The following CMSS1 variants were observed in gnomAD, a reference collection of about 807,000 sequenced individuals.
CMSS1 encodes cms1 ribosomal small subunit homolog.
Under a neutral mutation model 43.5 loss-of-function variants are expected in CMSS1, and 33 were observed. The observed-to-expected ratio is 0.76, with a 90% CI of 0.57 to 1.01. CMSS1 has a LOEUF of 1.01. Among genes scored for constraint, CMSS1 ranks in the 50% least tolerant of loss-of-function variants. CMSS1 has a pLI of 0.00. For synonymous variants in CMSS1, 115 were observed against 117.2 expected (o/e 0.98, Z 0.12); for missense variants, 313 against 326.4 (o/e 0.96, Z 0.32).
At chr3:100,059,584 A>G (rs1379387991) in intron 1 of CMSS1, among the ~76,000 whole-genome samples, 1 of 152,132 alleles carries the variant, frequency 6.6e-6, no homozygotes, top group African/African-American at 2.4e-5. Context: ...TGAAGATTCA[A>G]ACAGCGTTAG....
At chr3:99,976,666 A>T (rs1053182261) in intron 1 of CMSS1, among the ~76,000 whole-genome samples, 1 of 151,672 alleles carries the variant, frequency 6.6e-6, no homozygotes, top group Non-Finnish European at 1.5e-5. Context: ...TACCTTCAAG[A>T]TTTATTCTTT....
chr3:100,084,037 T>C (rs1018198644), intron 1 of CMSS1, among the ~76,000 whole-genome samples: 1 of 152,166 alleles, frequency 6.6e-6, no homozygotes, highest in Non-Finnish European at 1.5e-5. Context: ...TTTCATAAAA[T>C]AATAATAATG....
intron 1 of CMSS1, among the ~76,000 whole-genome samples, chr3:99,982,362 C>T: frequency 6.6e-6 from 1 of 150,894 alleles, no homozygotes; most frequent in African/African-American, 2.4e-5. Context: ...TTTTTTGAGA[C>T]AGGGTCTCAC....
intron 1 of CMSS1, among the ~76,000 whole-genome samples, chr3:99,828,932 G>A (rs1241605342): frequency 6.6e-6 from 1 of 151,764 alleles, no homozygotes; most frequent in Non-Finnish European, 1.5e-5. Flanking sequence ...CCCTCTCAAT[G>A]CTGCCCATCA....
At chr3:100,160,204 A>G (rs1168538866) in intron 2 of CMSS1, among the ~76,000 whole-genome samples, 1 of 152,212 alleles carries the variant, frequency 6.6e-6, no homozygotes, top group Admixed American at 6.5e-5. Context: ...TTGCTCAAAG[A>G]TTCTCCAGTC....
intron 1 of CMSS1, among the ~76,000 whole-genome samples, chr3:99,901,566 A>G (rs1221713551): frequency 6.6e-6 from 1 of 152,174 alleles, no homozygotes; most frequent in African/African-American, 2.4e-5. Context: ...ACTGTACATC[A>G]AGGCCTATGA....
At chr3:99,883,473 C>T (rs74413799) in intron 1 of CMSS1, among the ~76,000 whole-genome samples, 2,168 of 152,282 alleles carry the variant, frequency 0.014, 29 homozygotes, top group Non-Finnish European at 0.023. Flanking sequence ...ATTATTTCAG[C>T]ATTATCAGAG....
At chr3:99,969,477 G>A (rs1293150895) in intron 1 of CMSS1, among the ~76,000 whole-genome samples, 1 of 152,196 alleles carries the variant, frequency 6.6e-6, no homozygotes, top group Admixed American at 6.5e-5. Context: ...GAGCTCAACA[G>A]ATTGGTCACA....
chr3:100,137,409 C>T (rs1043282715), intron 1 of CMSS1, among the ~76,000 whole-genome samples: 10 of 152,148 alleles, frequency 6.6e-5, no homozygotes, highest in African/African-American at 2.4e-4. Context: ...CAATTCTAAA[C>T]TTGCATGCAC....
intron 1 of CMSS1, among the ~76,000 whole-genome samples, chr3:100,001,050 C>T (rs1023548219): frequency 4.6e-5 from 7 of 152,132 alleles, no homozygotes; most frequent in Non-Finnish European, 8.8e-5. Flanking sequence ...TTCACACACA[C>T]ACACACTCTT....
At chr3:100,005,598 A>G (rs530442792) in intron 1 of CMSS1, among the ~76,000 whole-genome samples, 174 of 152,364 alleles carry the variant, frequency 1.1e-3, no homozygotes, top group South Asian at 1.2e-3. Flanking sequence ...ATTGAATTCC[A>G]ATGATTCTAA....
chr3:99,865,330 T>G (rs1396724191), intron 1 of CMSS1, among the ~76,000 whole-genome samples: 1 of 152,148 alleles, frequency 6.6e-6, no homozygotes, highest in African/African-American at 2.4e-5. Flanking sequence ...CTCACCCCAT[T>G]ACATACATCC....
intron 1 of CMSS1, among the ~76,000 whole-genome samples, chr3:99,925,073 G>C (rs551221488): frequency 5.5e-4 from 84 of 152,260 alleles, no homozygotes; most frequent in Non-Finnish European, 1.1e-3. Flanking sequence ...ATTCGCAGCT[G>C]CCCTAGCTGA....
intron 1 of CMSS1, among the ~76,000 whole-genome samples, chr3:99,819,875 C>T (rs999868265): frequency 2.2e-4 from 33 of 151,948 alleles, no homozygotes; most frequent in Non-Finnish European, 1.2e-4. Flanking sequence ...CTGCCTCAGC[C>T]TCCCAAGTAA....
chr3:100,145,689 A>C (rs190021996), intron 1 of CMSS1, among the ~76,000 whole-genome samples: 1 of 152,334 alleles, frequency 6.6e-6, no homozygotes, highest in Admixed American at 6.5e-5. Flanking sequence ...TAGTCTAAAC[A>C]TGATAGGCTT....
chr3:100,173,792 A>G (rs551447154), intron 8 of CMSS1, among the ~76,000 whole-genome samples: 5 of 152,274 alleles, frequency 3.3e-5, no homozygotes, highest in East Asian at 3.9e-4. Context: ...AGGTAAAACA[A>G]TGTTGCAGTT....
intron 1 of CMSS1, among the ~76,000 whole-genome samples, chr3:99,951,728 C>T (rs1277124014): frequency 6.6e-6 from 1 of 152,090 alleles, no homozygotes; most frequent in African/African-American, 2.4e-5. Context: ...CAATAGGTAC[C>T]CTTAGATCAT....
chr3:100,122,970 C>T (rs1378344637), intron 1 of CMSS1, among the ~76,000 whole-genome samples: 1 of 152,156 alleles, frequency 6.6e-6, no homozygotes, highest in Non-Finnish European at 1.5e-5. Context: ...TTATTTATTA[C>T]ATGTCCACTA....
intron 1 of CMSS1, among the ~76,000 whole-genome samples, chr3:99,876,599 A>G (rs1409136972): frequency 2.0e-5 from 3 of 152,158 alleles, no homozygotes; most frequent in African/African-American, 7.2e-5. Context: ...GGAGAGGGAA[A>G]GGAGAAGTCT....
Sources: allele counts gnomAD v4.1 joint callset (sites outside exome capture counted in the v4.1 genomes callset), GRCh38; gene constraint gnomAD v4.1.1; transcripts MANE v1.5; gene names NCBI Gene and HGNC (gene_info 2026-07-23, HGNC 2026-07-21).